The following DMBT1 variants were observed in gnomAD, a reference collection of about 807,000 sequenced individuals.
DMBT1 encodes scavenger receptor cysteine-rich domain-containing protein DMBT1.
DMBT1 carries 198 observed loss-of-function variants against 252.9 expected under a neutral mutation model. The ratio of observed to expected loss-of-function variants is 0.78; its 90% CI spans 0.70 to 0.88. DMBT1 has a LOEUF of 0.88. Ranked by LOEUF, DMBT1 falls within the 40% of genes least tolerant of loss-of-function variation. The pLI is 0.00. For missense variants in DMBT1, 2,432 were observed against 2,404.7 expected (o/e 1.01, Z -0.24); for synonymous variants, 990 against 942.7 (o/e 1.05, Z -0.92).
At position 122,578,788 on chromosome 10, in the gene DMBT1, G is replaced by T. The variant is rs759428443; in HGVS notation, c.679+29G>T. 12 of 1,588,232 alleles carry T rather than the reference G, an allele frequency of 7.6e-6. No homozygotes were observed. The East Asian group carries it at 2.0e-4, about 27-fold the overall frequency. The stretch of plus-strand genomic sequence containing the variant: ...AAGAATCCTCTCAACACTCCCTGGG[G>T]CTCACTTTCTACCTCTGGATACACT... On this transcript the variant is annotated intron_variant, in intron 9 of 55. Coordinates refer to ENST00000338354, the MANE Select transcript of DMBT1 (RefSeq NM_001377530.1).
intron 20 of DMBT1, among the ~76,000 whole-genome samples, chr10:122,592,966 G>A (rs565483415): frequency 6.7e-6 from 1 of 148,942 alleles, no homozygotes; most frequent in East Asian, 2.1e-4. Flanking sequence ...TCCTCTCACT[G>A]AGAGGAACTC....
intron 46 of DMBT1, among the ~76,000 whole-genome samples, chr10:122,626,503 T>C (rs536919760): frequency 6.6e-6 from 1 of 152,352 alleles, no homozygotes; most frequent in South Asian, 2.1e-4. Context: ...TTTGCATACC[T>C]CACTAATTTT....
intron 5 of DMBT1, 133 bp from the exon 6 acceptor site, chr10:122,573,582 T>G: frequency 1.8e-6 from 2 of 1,114,350 alleles, no homozygotes; most frequent in Non-Finnish European, 1.4e-6. Context: ...TGGCACATGG[T>G]TGGCTTTTAG....
In DMBT1 at chr10:122,592,500, G is replaced by A; in HGVS notation, c.2405G>A (p.Cys802Tyr). ...CCCATTGTTCTGGATGATGTGCGCT[G>A]CTCAGGACACGAGTCCTACCTGTGG... is the stretch of plus-strand genomic sequence containing the variant. ...SGPIVLDDVR[C>Y]SGHESYLWSC... is the part of the protein sequence containing the mutation. Residue 802 changes from cysteine to tyrosine, a missense_variant, in exon 20 of 56, where the codon TGC becomes TAC. Coordinates refer to ENST00000338354, the MANE Select transcript of DMBT1 (RefSeq NM_001377530.1). 6.3e-7 allele frequency: 1 copy of A among 1,588,160 alleles called. No homozygotes were observed. The highest frequency in any genetic ancestry group is 8.6e-7 in the Non-Finnish European group (1 of 1,165,640).
chr10:122,630,661 G>T (rs1213627366), intron 48 of DMBT1, among the ~76,000 whole-genome samples, 171 bp downstream of exon 48: 1 of 152,176 alleles, frequency 6.6e-6, no homozygotes, highest in Non-Finnish European at 1.5e-5. Flanking sequence ...GCAGCAAAGG[G>T]TGCAGACTGG....
Position 122,619,302 on chromosome 10 carries a change from T to G in DMBT1, c.5216-6T>G, listed in dbSNP as rs140947161. The stretch of plus-strand genomic sequence containing the variant: ...CTGATCTGACCTTCTCTTCTCTTTC[T>G]CACAGCTGCTCAGTCCCAGTCAACG... On this transcript the variant is annotated splice_region_variant and splice_polypyrimidine_tract_variant and intron_variant, in intron 41 of 55. Transcript: ENST00000338354. The G allele has an allele frequency of 1.6e-5, 26 of 1,613,866 alleles. 1 individual carries two copies. Among genetic ancestry groups the G allele is most frequent in the Non-Finnish European group, 1.9e-5 (22 of 1,179,884 alleles).
At chr10:122,578,654 G>T in intron 8 of DMBT1, 64 bp from the exon 9 acceptor site, 1 of 1,419,848 alleles carries the variant, frequency 7.0e-7, no homozygotes, top group Non-Finnish European at 9.8e-7. Flanking sequence ...CCAGAGAACC[G>T]CTTGTTTTTT....
At position 122,617,974 on chromosome 10, in the gene DMBT1, C is replaced by G. The variant is rs773644540; in HGVS notation, c.4892-43C>G. 9.3e-6 allele frequency: 15 copies of G among 1,608,372 alleles called. No homozygotes were observed. The South Asian group carries it at 1.7e-4, about 18-fold the overall frequency. ...GTGGAACTTGCCTTAGATTGTTGAC[C>G]TCCTGGTGGGGATGGATGAAGGGTT... On this transcript the variant is annotated intron_variant, in intron 40 of 55. Coordinates refer to ENST00000338354, the MANE Select transcript of DMBT1 (RefSeq NM_001377530.1).
intron 5 of DMBT1, among the ~76,000 whole-genome samples, chr10:122,573,231 G>A (rs949699445): frequency 6.6e-6 from 1 of 152,216 alleles, no homozygotes; most frequent in Non-Finnish European, 1.5e-5. Context: ...GCTCCCCAAG[G>A]GGGCATCGTC....
At chr10:122,628,306 T>A (rs138511911) in intron 46 of DMBT1, among the ~76,000 whole-genome samples, 297 of 152,318 alleles carry the variant, frequency 1.9e-3, no homozygotes, top group African/African-American at 6.4e-3. Flanking sequence ...AAATATGATA[T>A]GTCCATGCAG....
intron 5 of DMBT1, among the ~76,000 whole-genome samples, chr10:122,573,017 G>C (rs1442395095): frequency 6.6e-6 from 1 of 152,214 alleles, no homozygotes; most frequent in Non-Finnish European, 1.5e-5. Flanking sequence ...ATAGTGCCAG[G>C]ATGTGTGCAG....
rs199679394 is a variant in DMBT1, at chr10:122,621,354, A to G, written c.5582A>G (p.His1861Arg). The G allele has an allele frequency of 0.071, 114,456 of 1,613,744 alleles. 4,632 individuals are homozygous for G. Among genetic ancestry groups the G allele is most frequent in the South Asian group, 0.13 (11,917 of 91,064 alleles). The change falls in exon 44 of 56, where the codon CAC (histidine) becomes CGC (arginine). Residue 1861 changes from histidine to arginine, a missense_variant. Physicochemically the swap from His to Arg is conservative, Grantham distance 29 (BLOSUM62 0). Around this residue, in one of 3 missense-constraint regions of DMBT1, gnomAD observed 1,162 missense variants for 1,169.0 expected, o/e 0.99. Coordinates refer to ENST00000338354, the MANE Select transcript of DMBT1 (RefSeq NM_001377530.1). Reference protein sequence around the residue: ...KGWLTHNCGHHEDAGVICSAT... With the variant: ...KGWLTHNCGHREDAGVICSAT... ...TGGCTCACCCACAACTGTGGCCATC[A>G]CGAAGACGCTGGTGTCATCTGCTCA...
chr10:122,567,054 CA>C (rs1318129517), intron 2 of DMBT1, among the ~76,000 whole-genome samples: 1 of 152,218 alleles, frequency 6.6e-6, no homozygotes, highest in African/African-American at 2.4e-5. Context: ...TTTAATTTTT[CA>C]GGGCCTTCCA....
intron 54 of DMBT1, among the ~76,000 whole-genome samples, chr10:122,638,235 T>C (rs1380501669): frequency 1.3e-5 from 2 of 152,138 alleles, no homozygotes; most frequent in African/African-American, 2.4e-5. Flanking sequence ...ATTGTTCCTA[T>C]GCCAAGTGAG....
At chr10:122,581,491 G>A (rs545374455) in intron 11 of DMBT1, among the ~76,000 whole-genome samples, 6 of 150,108 alleles carry the variant, frequency 4.0e-5, no homozygotes, top group Admixed American at 2.0e-4. Context: ...CAGCAATGGC[G>A]TCTGATGTCC....
At chr10:122,628,627 A>C (rs1208445664) in intron 46 of DMBT1, among the ~76,000 whole-genome samples, 1 of 152,204 alleles carries the variant, frequency 6.6e-6, no homozygotes, top group East Asian at 1.9e-4. Flanking sequence ...CAAGAGCGAA[A>C]CTCCATCTCA....
At chr10:122,586,915 G>A (rs544354254) in intron 16 of DMBT1, among the ~76,000 whole-genome samples, 1 of 148,480 alleles carries the variant, frequency 6.7e-6, no homozygotes, top group East Asian at 2.1e-4. Context: ...AGGTCACATG[G>A]TGAGGGAGGA....
intron 6 of DMBT1, among the ~76,000 whole-genome samples, chr10:122,575,488 A>C (rs545804699): frequency 6.6e-6 from 1 of 152,226 alleles, no homozygotes; most frequent in South Asian, 2.1e-4. Context: ...GAGTGTCTTC[A>C]GAGGAGACCT....
Position 122,578,729 on chromosome 10 carries a change from G to C in DMBT1, c.649G>C (p.Val217Leu). Residue 217 changes from valine (V) to leucine (L), a missense_variant, in exon 9 of 56, where the codon GTC becomes CTC. Transcript: ENST00000338354. ...QSTLRPESWP[V>L]RISPPVPTEG... The stretch of plus-strand genomic sequence containing the variant: ...GTTGCTGTTTACAGAAAGTTGGCCT[G>C]TCAGGATATCACCACCTGTACCCAC... 1 of 1,609,304 alleles carries C rather than the reference G, an allele frequency of 6.2e-7. No homozygotes were observed. Among genetic ancestry groups the C allele is most frequent in the Non-Finnish European group, 8.5e-7 (1 of 1,177,654 alleles).
Sources: gnomAD v4.1 joint callset for allele counts (sites outside exome capture counted in the v4.1 genomes callset) on GRCh38, gnomAD v4.1.1 for gene constraint, gnomAD v4.1.1 regional missense constraint, MANE v1.5 for transcripts, NCBI Gene and HGNC (gene_info 2026-07-23, HGNC 2026-07-21) for gene names.